MKLN1: variants seen among roughly 807,000 people sequenced by gnomAD.
MKLN1 encodes muskelin 1, also known as muskelin.
MKLN1 carries 18 observed loss-of-function variants against 99.0 expected under a neutral mutation model. That is an observed-to-expected ratio of 0.18 (90% CI 0.13 to 0.27). MKLN1 has a LOEUF of 0.27. Ranked by LOEUF, MKLN1 falls within the 10% of genes least tolerant of loss-of-function variation. The pLI, the probability that MKLN1 is intolerant of heterozygous loss-of-function variation, is 1.00. For missense variants in MKLN1, 621 were observed against 875.9 expected, an observed-to-expected ratio of 0.71 and a Z score of 3.67; for synonymous variants, 288 against 293.2, an observed-to-expected ratio of 0.98 and a Z score of 0.18.
intron 3 of MKLN1, among the ~76,000 whole-genome samples, chr7:131,212,360 T>A (rs928118218): frequency 2.0e-5 from 3 of 152,146 alleles, no homozygotes. Context: ...GTCAATTCTC[T>A]TCCTACCAGG....
At chr7:131,397,517 C>A (rs1370970096) in intron 5 of MKLN1, 141 bp downstream of exon 5, 7 of 552,458 alleles carry the variant, frequency 1.3e-5, no homozygotes, top group Non-Finnish European at 2.2e-5. Flanking sequence ...CACTTCCAGT[C>A]TGCCAGCTTT....
intron 1 of MKLN1, among the ~76,000 whole-genome samples, chr7:131,133,801 T>C (rs1402075163): frequency 2.1e-5 from 3 of 145,968 alleles, no homozygotes; most frequent in South Asian, 2.2e-4. Flanking sequence ...TTGACTTCTT[T>C]TTTTTTTTTT....
chr7:131,441,208 C>T (rs902992839), intron 10 of MKLN1, among the ~76,000 whole-genome samples: 1 of 152,134 alleles, frequency 6.6e-6, no homozygotes, highest in African/African-American at 2.4e-5. Context: ...TTGATATTCT[C>T]ACTGGGTCAT....
chr7:131,300,855 G>C (rs1348549361), intron 3 of MKLN1, among the ~76,000 whole-genome samples: 9 of 152,124 alleles, frequency 5.9e-5, no homozygotes, highest in Admixed American at 5.2e-4. Context: ...TGATGGATAC[G>C]GTGGGAAGGC....
chr7:131,388,697 A>T (rs1794106688), intron 3 of MKLN1, among the ~76,000 whole-genome samples, 187 bp from the exon 4 acceptor site: 1 of 152,190 alleles, frequency 6.6e-6, no homozygotes, highest in African/African-American at 2.4e-5. Context: ...ATCCAGTTAT[A>T]ATGCTGTTGA....
At chr7:131,417,864 A>T (rs918244194) in intron 8 of MKLN1, among the ~76,000 whole-genome samples, 4 of 152,164 alleles carry the variant, frequency 2.6e-5, no homozygotes, top group Admixed American at 2.0e-4. Context: ...AGTGATTTAA[A>T]ATTTTTTTAT....
In MKLN1 at chr7:131,232,962, A is replaced by G. The variant is rs144371824; in HGVS notation, c.-179+29988A>G. Among the ~76,000 whole-genome samples the G allele has an allele frequency of 3.3e-3, 497 of 152,316 alleles. 2 individuals carry two copies. Among genetic ancestry groups the G allele is most frequent in the African/African-American group, 0.011 (472 of 41,574 alleles). On this transcript the variant is annotated intron_variant, in intron 3 of 7. Coordinates refer to the MKLN1 transcript ENST00000416992. ...CTTTATGTGCTTAAAGCGGGGACTCAGCAAATAATTGTGGAAGGAGGGAAT... is the reference window on the plus strand; with the variant it reads ...CTTTATGTGCTTAAAGCGGGGACTCGGCAAATAATTGTGGAAGGAGGGAAT...
chr7:131,164,084 C>T lies in MKLN1; in HGVS notation c.-297+21143C>T, dbSNP rs147708064. Among the ~76,000 whole-genome samples, 343 of 152,260 alleles carry T rather than the reference C, an allele frequency of 2.3e-3. 2 individuals are homozygous for T. The highest frequency in any genetic ancestry group is 7.9e-3 in the African/African-American group (329 of 41,554). ...AAAAATGTTGCTAAGAGCTTTTAAA[C>T]AGAAAAATAGACTTACTTGCTTTGT... On this transcript the variant is annotated intron_variant, in intron 2 of 7. Coordinates refer to the MKLN1 transcript ENST00000416992.
At chr7:131,209,109 G>A (rs1391379694) in intron 3 of MKLN1, among the ~76,000 whole-genome samples, 1 of 152,186 alleles carries the variant, frequency 6.6e-6, no homozygotes, top group Non-Finnish European at 1.5e-5. Context: ...AAGATGGCAA[G>A]AAATTTGAGT....
chr7:131,242,761 T>C, intron 3 of MKLN1: 5 of 696,866 alleles, frequency 7.2e-6, no homozygotes, highest in South Asian at 5.5e-5. Flanking sequence ...ACAGCTGCCA[T>C]GGGCAAGAAG....
intron 3 of MKLN1, among the ~76,000 whole-genome samples, chr7:131,204,401 G>C (rs1367610097): frequency 2.0e-5 from 3 of 152,066 alleles, no homozygotes; most frequent in African/African-American, 7.2e-5. Flanking sequence ...AATTTCAACA[G>C]GTATTCCCAA....
chr7:131,436,552 T>TA (rs2116467283), intron 9 of MKLN1, among the ~76,000 whole-genome samples: 1 of 152,342 alleles, frequency 6.6e-6, no homozygotes, highest in African/African-American at 2.4e-5. Context: ...GTAGATTTGC[T>TA]ATCTTACTTC....
intron 17 of MKLN1, among the ~76,000 whole-genome samples, chr7:131,486,107 G>T (rs1797267808): frequency 6.6e-6 from 1 of 151,980 alleles, no homozygotes; most frequent in South Asian, 2.1e-4. Flanking sequence ...GAGAGAGAGA[G>T]AGAGAGAGAA....
At chr7:131,196,136 C>G (rs999699214) in intron 2 of MKLN1, among the ~76,000 whole-genome samples, 10 of 151,812 alleles carry the variant, frequency 6.6e-5, no homozygotes, top group African/African-American at 2.4e-4. Context: ...TAAAAATTAT[C>G]ACTTAGCCTC....
intron 1 of MKLN1, among the ~76,000 whole-genome samples, chr7:131,128,226 A>C (rs1329070088): frequency 8.6e-6 from 1 of 115,662 alleles, no homozygotes; most frequent in African/African-American, 3.7e-5. Context: ...AAAAAACAAC[A>C]AACAAAAAAT....
At chr7:131,467,042 G>C (rs1796684930) in intron 15 of MKLN1, among the ~76,000 whole-genome samples, 1 of 152,162 alleles carries the variant, frequency 6.6e-6, no homozygotes, top group Non-Finnish European at 1.5e-5. Flanking sequence ...TTACTGTAGT[G>C]TTATATGGTA....
At chr7:131,453,573 TACTTG>T (rs1235109546) in intron 12 of MKLN1, among the ~76,000 whole-genome samples, 1 of 152,132 alleles carries the variant, frequency 6.6e-6, no homozygotes. Flanking sequence ...TCTGGATCCC[TACTTG>T]ACTTTTGTAC....
chr7:131,115,427 C>T (rs1456941795), intron 1 of MKLN1, among the ~76,000 whole-genome samples: 1 of 152,186 alleles, frequency 6.6e-6, no homozygotes, highest in Non-Finnish European at 1.5e-5. Context: ...AACCATCATC[C>T]CTCTTCTGTG....
At chr7:131,260,719 A>G (rs1439475085) in intron 3 of MKLN1, among the ~76,000 whole-genome samples, 1 of 152,222 alleles carries the variant, frequency 6.6e-6, no homozygotes, top group East Asian at 1.9e-4. Flanking sequence ...GTACTGGTAC[A>G]AAAACAGACA....
Sources: gnomAD v4.1 joint callset for allele counts (sites outside exome capture counted in the v4.1 genomes callset) on GRCh38, gnomAD v4.1.1 for gene constraint, MANE v1.5 for transcripts, NCBI Gene and HGNC (gene_info 2026-07-23, HGNC 2026-07-21) for gene names.